The following RYR2 variants were observed in gnomAD, a reference collection of about 807,000 sequenced individuals.
RYR2 encodes ryanodine receptor 2.
RYR2 carries 227 observed loss-of-function variants against 601.1 expected under a neutral mutation model. That is an observed-to-expected ratio of 0.38 (90% CI 0.34 to 0.42). The LOEUF (loss-of-function observed/expected upper bound fraction) is 0.42. RYR2 is among the 10% of genes least tolerant of loss of function. The probability of loss-of-function intolerance (pLI) is 1.00; values close to 1 mark genes in which losing one functional copy is unlikely to be tolerated. For synonymous variants in RYR2, 2,223 were observed against 2,175.1 expected (o/e 1.02, Z -0.61); for missense variants, 4,646 against 6,156.5 (o/e 0.75, Z 8.21).
At chr1:237,163,039 T>C (rs1676215262) in intron 1 of RYR2, among the ~76,000 whole-genome samples, 1 of 152,198 alleles carries the variant, frequency 6.6e-6, no homozygotes, top group African/African-American at 2.4e-5. Context: ...ATGTACTCTT[T>C]ATGGACTAGA....
intron 57 of RYR2, among the ~76,000 whole-genome samples, chr1:237,667,020 A>G (rs1222169723): frequency 2.0e-5 from 3 of 152,194 alleles, no homozygotes; most frequent in Non-Finnish European, 2.9e-5. Context: ...TGTGTGTGAG[A>G]AGAAAGTAAA....
chr1:237,090,598 A>G (rs1666856457), intron 1 of RYR2, among the ~76,000 whole-genome samples: 1 of 152,250 alleles, frequency 6.6e-6, no homozygotes, highest in Admixed American at 6.5e-5. Context: ...GTTTTAAGAC[A>G]TTATGTTTGC....
chr1:237,554,536 A>G (rs1273151922), intron 27 of RYR2, among the ~76,000 whole-genome samples: 1 of 151,942 alleles, frequency 6.6e-6, no homozygotes, highest in African/African-American at 2.4e-5. Flanking sequence ...TGTTTTCTGA[A>G]AGAATTTGTG....
intron 2 of RYR2, among the ~76,000 whole-genome samples, chr1:237,274,938 C>T (rs1368526249): frequency 1.3e-5 from 2 of 151,962 alleles, no homozygotes; most frequent in Non-Finnish European, 2.9e-5. Flanking sequence ...GTATAGGAGG[C>T]TGTACCATTT....
At chr1:237,286,614 G>A (rs994126005) in intron 2 of RYR2, among the ~76,000 whole-genome samples, 1 of 59,042 alleles carries the variant, frequency 1.7e-5, no homozygotes, top group African/African-American at 5.7e-5. Context: ...TCTGATATAA[G>A]AATAGCTACC....
chr1:237,053,204 G>A (rs954638650), intron 1 of RYR2, among the ~76,000 whole-genome samples: 2 of 152,158 alleles, frequency 1.3e-5, no homozygotes, highest in Non-Finnish European at 2.9e-5. Context: ...GGACATGTCT[G>A]TCATGACATG....
intron 6 of RYR2, among the ~76,000 whole-genome samples, chr1:237,371,997 T>A (rs2149769211): frequency 6.6e-6 from 1 of 152,232 alleles, no homozygotes; most frequent in South Asian, 2.1e-4. Context: ...GGCACATGTA[T>A]ACGTATGTAA....
Position 237,311,009 on chromosome 1 carries a change from G to A in RYR2, c.169-19869G>A, listed in dbSNP as rs183265522. 6.6e-5 allele frequency among the ~76,000 whole-genome samples: 10 copies of A among 152,192 alleles called. No individual in the cohort carries two copies. In the East Asian group the frequency reaches 1.5e-3, roughly 23 times the overall value. On this transcript the variant is annotated intron_variant, in intron 2 of 104. Transcript: ENST00000366574. The stretch of plus-strand genomic sequence containing the variant: ...GGTATCTATCCTATATAAACTTCCC[G>A]ATGAAGTTACTAGATGGTGAGTGTT...
chr1:237,122,345 G>A (rs1670886212), intron 1 of RYR2, among the ~76,000 whole-genome samples: 1 of 152,166 alleles, frequency 6.6e-6, no homozygotes, highest in South Asian at 2.1e-4. Context: ...TGTTAAAAGG[G>A]AACATGCAGA....
At chr1:237,248,267 A>ACCC (rs34669763) in intron 1 of RYR2, among the ~76,000 whole-genome samples, 5 of 57,360 alleles carry the variant, frequency 8.7e-5, no homozygotes, top group Admixed American at 5.2e-4. Context: ...GCAAGACTCC[A>ACCC]CCCCCCGCAA....
intron 16 of RYR2, among the ~76,000 whole-genome samples, chr1:237,468,550 G>A (rs1356640998): frequency 2.0e-5 from 3 of 152,046 alleles, no homozygotes; most frequent in Admixed American, 2.0e-4. Flanking sequence ...AAAATAAAAG[G>A]GTTTCAAAGT....
intron 14 of RYR2, among the ~76,000 whole-genome samples, chr1:237,446,670 T>C (rs2805419): frequency 0.074 from 11,248 of 152,150 alleles, 1,051 homozygotes; most frequent in African/African-American, 0.22. Flanking sequence ...TGTGTGTGCC[T>C]GTATGTAACC....
intron 31 of RYR2, 78 bp from the exon 32 acceptor site, chr1:237,591,661 C>G: frequency 8.3e-7 from 1 of 1,206,116 alleles, no homozygotes; most frequent in South Asian, 1.3e-5. Flanking sequence ...TAAGGCAACT[C>G]AATTGATTAT....
chr1:237,513,660 A>G (rs1235069242), intron 24 of RYR2, among the ~76,000 whole-genome samples: 3 of 152,180 alleles, frequency 2.0e-5, no homozygotes. Flanking sequence ...TAGATACCCA[A>G]ATACTTACCA....
chr1:237,151,495 G>T (rs1674702262), intron 1 of RYR2, among the ~76,000 whole-genome samples: 1 of 152,180 alleles, frequency 6.6e-6, no homozygotes. Flanking sequence ...GAAAAACTGA[G>T]CTGTAAGCAG....
intron 1 of RYR2, among the ~76,000 whole-genome samples, chr1:237,130,358 A>C (rs557195903): frequency 6.6e-6 from 1 of 152,294 alleles, no homozygotes; most frequent in Admixed American, 6.5e-5. Context: ...ATAACTAGGA[A>C]AAGAGTGAAC....
At chr1:237,081,867 C>G (rs922054037) in intron 1 of RYR2, among the ~76,000 whole-genome samples, 1 of 152,138 alleles carries the variant, frequency 6.6e-6, no homozygotes, top group Admixed American at 6.5e-5. Context: ...ACTCTTCTTT[C>G]TTTTAAGGGT....
chr1:237,809,128 T>C (rs1660982554), intron 100 of RYR2, 93 bp downstream of exon 100: 4 of 1,157,960 alleles, frequency 3.5e-6, no homozygotes, highest in East Asian at 2.4e-5. Flanking sequence ...CAGTACAAAA[T>C]AGAAAATAGT....
At chr1:237,488,332 C>G (rs906535338) in intron 17 of RYR2, among the ~76,000 whole-genome samples, 22 of 152,128 alleles carry the variant, frequency 1.4e-4, no homozygotes, top group African/African-American at 5.3e-4. Context: ...TCTGGGAAGT[C>G]CAAGATCAAG....
Sources: gnomAD v4.1 joint callset for allele counts (sites outside exome capture counted in the v4.1 genomes callset) on GRCh38, gnomAD v4.1.1 for gene constraint, MANE v1.5 for transcripts, NCBI Gene and HGNC (gene_info 2026-07-23, HGNC 2026-07-21) for gene names.